Variants in ZNF235 observed in about 807,000 individuals in gnomAD.
ZNF235 encodes zinc finger protein 235.
Under a neutral mutation model 29.4 loss-of-function variants are expected in ZNF235, and 25 were observed. The ratio of observed to expected loss-of-function variants is 0.85; its 90% CI spans 0.62 to 1.19. The LOEUF (loss-of-function observed/expected upper bound fraction) is 1.19, where lower values mean the gene tolerates loss of function less well. Among genes scored for constraint, ZNF235 ranks in the 50% most tolerant of loss-of-function variants. The pLI, the probability that ZNF235 is intolerant of heterozygous loss-of-function variation, is 0.00. For missense variants in ZNF235, 788 were observed against 885.0 expected (o/e 0.89, Z 1.39); for synonymous variants, 300 against 295.3 (o/e 1.02, Z -0.16).
At position 44,304,795 on chromosome 19, in the gene ZNF235, C is replaced by T. The variant is rs10420704; in HGVS notation, c.-49+176G>A. The T allele has an allele frequency of 5.1e-3, 5,024 of 985,428 alleles. 189 individuals carry two copies. In the African/African-American group the frequency reaches 0.078, roughly 15 times the overall value. 61.0% of individuals were successfully genotyped at this position (985,428 alleles called of 1,614,324 possible). A position where few individuals can be genotyped will look rare whatever the true frequency, so the allele number is the denominator to read the frequency against. ...CCTCAACCTCGAAGGACGACGCGAG[C>T]CCGCCTCCCACGCAAGAGGTTCTGC... On this transcript the variant is annotated intron_variant, in intron 1 of 4. Coordinates refer to ENST00000291182, the MANE Select transcript of ZNF235 (RefSeq NM_004234.4).
At position 44,288,587 on chromosome 19, in the gene ZNF235, T is replaced by C. The variant is rs771493439; in HGVS notation, c.848A>G (p.Gln283Arg). The C allele has an allele frequency of 1.9e-6, 3 of 1,614,070 alleles. No homozygotes were observed. Among genetic ancestry groups the C allele is most frequent in the African/African-American group, 2.7e-5 (2 of 74,952 alleles). Residue 283 changes from glutamine to arginine, a missense_variant, in exon 5 of 5, where the codon CAG becomes CGG. Gln to Arg is a conservative substitution (Grantham distance 43). Coordinates refer to ENST00000291182, the MANE Select transcript of ZNF235 (RefSeq NM_004234.4). ...NDSSSLELHKQVHLGKKSPAC... is the reference protein window; with the variant it reads ...NDSSSLELHKRVHLGKKSPAC... The stretch of plus-strand genomic sequence containing the variant: ...TGGAGACTTCTTTCCCAAGTGTACC[T>C]GTTTATGAAGTTCAAGACTGGAGCT...
intron 4 of ZNF235, chr19:44,290,294 G>C (rs1259380917): frequency 6.5e-6 from 1 of 153,482 alleles, no homozygotes; most frequent in Non-Finnish European, 1.4e-5. Context: ...GATGACATTG[G>C]GAAAAGACAC....
intron 3 of ZNF235, 83 bp downstream of exon 3, chr19:44,299,523 C>T: frequency 6.4e-7 from 1 of 1,553,194 alleles, no homozygotes; most frequent in East Asian, 2.2e-5. Context: ...TAGCCTGATA[C>T]AACACAGAAT....
chr19:44,298,983 G>A, intron 3 of ZNF235, 80 bp from the exon 4 acceptor site: 2 of 961,760 alleles, frequency 2.1e-6, no homozygotes, highest in Non-Finnish European at 3.2e-6. Context: ...CATGATGTAA[G>A]TCTCCTCCCT....
In ZNF235 at chr19:44,294,714, AT is replaced by A. The variant is rs558805131; in HGVS notation, c.238+4093del. 1.3e-4 allele frequency among the ~76,000 whole-genome samples: 19 copies of A among 151,898 alleles called. No individual in the cohort carries two copies. In the South Asian group the frequency reaches 3.7e-3, roughly 30 times the overall value. On this transcript the variant is annotated intron_variant, in intron 4 of 4. Transcript: ENST00000291182. Reference sequence around the variant, plus strand: ...CACAAAACCCCCCAAACCAAATCTAATAGCACATCAAAAAGATAAGCCACCA... The same window carrying A: ...CACAAAACCCCCCAAACCAAATCTAAAGCACATCAAAAAGATAAGCCACCA...
intron 4 of ZNF235, 71 bp downstream of exon 4, chr19:44,298,737 G>A: frequency 1.7e-6 from 2 of 1,171,976 alleles, no homozygotes; most frequent in East Asian, 2.4e-5. Context: ...GTAGCTGAGT[G>A]GAGAAGAAAT....
At chr19:44,302,989 T>C (rs562702396) in intron 2 of ZNF235, among the ~76,000 whole-genome samples, 8 of 128,090 alleles carry the variant, frequency 6.2e-5, no homozygotes, top group African/African-American at 6.6e-5. Flanking sequence ...TATTTATATA[T>C]AAATATATAC....
intron 3 of ZNF235, 87 bp from the exon 4 acceptor site, chr19:44,298,990 C>T: frequency 1.1e-6 from 1 of 885,864 alleles, no homozygotes; most frequent in Middle Eastern, 2.4e-4. Flanking sequence ...TAAGTCTCCT[C>T]CCTGCCCCAG....
Position 44,289,148 on chromosome 19 carries a change from C to T in ZNF235, c.287G>A (p.Arg96Lys). The change falls in exon 5 of 5, where the codon AGG (arginine) becomes AAG (lysine). Residue 96 changes from arginine (R) to lysine (K), a missense_variant. Coordinates refer to ENST00000291182, the MANE Select transcript of ZNF235 (RefSeq NM_004234.4). ...TGAAAGCTCTCCCAGTGAAAAGCAC[C>T]TTAATCCTGCTTTGTGAAGAGTTGC... ...EMATLHKAGL[R>K]CFSLGELSCW... 6.2e-7 allele frequency: 1 copy of T among 1,613,932 alleles called. No homozygotes were observed. Among genetic ancestry groups the T allele is most frequent in the East Asian group, 2.2e-5 (1 of 44,880 alleles).
At chr19:44,290,946 C>T (rs1239264047) in intron 4 of ZNF235, 2 of 151,868 alleles carry the variant, frequency 1.3e-5, no homozygotes, top group South Asian at 2.1e-4. Flanking sequence ...AGTCAGAAAA[C>T]AAAACAAAAC....
At chr19:44,304,786 C>G in intron 1 of ZNF235, 185 bp downstream of exon 1, 1 of 985,432 alleles carries the variant, frequency 1.0e-6, no homozygotes, top group Non-Finnish European at 1.2e-6. Context: ...CCTCGAAGGA[C>G]GACGCGAGCC....
chr19:44,287,914 C>A lies in ZNF235; in HGVS notation c.1521G>T (p.Arg507Ser). 1 of 1,612,810 alleles carries A rather than the reference C, an allele frequency of 6.2e-7. No homozygotes were observed. The highest frequency in any genetic ancestry group is 8.5e-7 in the Non-Finnish European group (1 of 1,179,748). ...GAAATGGTTTCTCTCCTGTATGGAC[C>A]CTCTGATGGCTCTGGAAACTTGAGG... Reference protein sequence around the residue: ...SSASSFQSHQRVHTGEKPFRC... With the variant: ...SSASSFQSHQSVHTGEKPFRC... The change falls in exon 5 of 5, where the codon AGG (arginine) becomes AGT (serine). Residue 507 changes from arginine (R) to serine (S), a missense_variant. Transcript: ENST00000291182.
chr19:44,287,036 G>T lies in ZNF235; in HGVS notation c.*182C>A. On this transcript the variant is annotated 3_prime_UTR_variant, in exon 5 of 5. Transcript: ENST00000291182. ...AAGTTTTCTCGCATCTGTGAAATAT[G>T]ACGTTTGTAAAGAATTCATGTCCTA... 1 of 589,570 alleles carries T rather than the reference G, an allele frequency of 1.7e-6. No individual in the cohort carries two copies. The highest frequency in any genetic ancestry group is 2.8e-6 in the Non-Finnish European group (1 of 355,410). 36.5% of individuals were successfully genotyped at this position (589,570 alleles called of 1,614,324 possible). A position where few individuals can be genotyped will look rare whatever the true frequency, so the allele number is the denominator to read the frequency against.
At chr19:44,302,903 T>TAAATATATACGTATATATTTGTATAC (rs1568647407) in intron 2 of ZNF235, among the ~76,000 whole-genome samples, 3 of 104,626 alleles carry the variant, frequency 2.9e-5, no homozygotes, top group South Asian at 3.5e-4. Context: ...TATTTGTATA[T>TAAATATATACGTATATATTTGTATAC]AAATATATAC....
intron 1 of ZNF235, 195 bp downstream of exon 1, chr19:44,304,776 C>A (rs895774703): frequency 2.0e-6 from 2 of 985,484 alleles, no homozygotes; most frequent in Non-Finnish European, 2.4e-6. Context: ...AGACCCTCAA[C>A]CTCGAAGGAC....
At chr19:44,297,622 C>T (rs1043186694) in intron 4 of ZNF235, among the ~76,000 whole-genome samples, 12 of 152,024 alleles carry the variant, frequency 7.9e-5, no homozygotes, top group Non-Finnish European at 1.6e-4. Context: ...TGCCACCACG[C>T]CCAGCTAATT....
In ZNF235 at chr19:44,299,622, C is replaced by A. The variant is rs199667184; in HGVS notation, c.126G>T (p.Arg42Ser). ...TGTCCTTACCCACTGAAACCAGGTT[C>A]CTAAAGTTCTCCAGCATCACATCTC... ...LYRDVMLENFRNLVSVGHQSF... is the reference protein window; with the variant it reads ...LYRDVMLENFSNLVSVGHQSF... The change falls in exon 3 of 5, where the codon AGG becomes AGT. Residue 42 changes from arginine to serine, a missense_variant. Transcript: ENST00000291182. The A allele has an allele frequency of 1.2e-6, 2 of 1,614,112 alleles. No homozygotes were observed. The highest frequency in any genetic ancestry group is 1.7e-6 in the Non-Finnish European group (2 of 1,179,986).
chr19:44,302,951 T>TGTATATATATAC (rs1975764616), intron 2 of ZNF235, among the ~76,000 whole-genome samples: 1 of 99,400 alleles, frequency 1.0e-5, no homozygotes, highest in Non-Finnish European at 1.8e-5. Flanking sequence ...CATATTTGTA[T>TGTATATATATAC]ATATAAATAT....
intron 2 of ZNF235, 144 bp from the exon 3 acceptor site, chr19:44,299,876 G>A (rs1382073791): frequency 2.5e-6 from 3 of 1,215,652 alleles, no homozygotes; most frequent in African/African-American, 3.1e-5. Flanking sequence ...CCTTGTACAT[G>A]TAACGTGGTG....
Sources: gnomAD v4.1 joint callset for allele counts (sites outside exome capture counted in the v4.1 genomes callset) on GRCh38, gnomAD v4.1.1 for gene constraint, MANE v1.5 for transcripts, NCBI Gene and HGNC (gene_info 2026-07-23, HGNC 2026-07-21) for gene names.